Variants in ARHGAP6 observed in about 807,000 individuals in gnomAD.
ARHGAP6 encodes the protein Rho GTPase activating protein 6.
ARHGAP6 carries 16 observed loss-of-function variants against 55.7 expected under a neutral mutation model. The ratio of observed to expected loss-of-function variants is 0.29; its 90% CI spans 0.19 to 0.44. ARHGAP6 has a LOEUF of 0.44. ARHGAP6 is among the 20% of genes least tolerant of loss of function. The pLI is 1.00. For synonymous variants in ARHGAP6, 382 were observed against 360.9 expected, an observed-to-expected ratio of 1.06 and a Z score of -0.66; for missense variants, 698 against 808.9, an observed-to-expected ratio of 0.86 and a Z score of 1.66.
chrX:11,664,834 C>G lies in ARHGAP6; in HGVS notation c.-6G>C, dbSNP rs1236267515. On this transcript the variant is annotated 5_prime_UTR_variant, in exon 1 of 13. Coordinates refer to ENST00000337414, the MANE Select transcript of ARHGAP6 (RefSeq NM_013427.3). ...AGCAGGCTCTGCGCGGACATCTCGG[C>G]GGGGCTGCACCTGAGGACCACCTCC... is the stretch of plus-strand genomic sequence containing the variant. The G allele has an allele frequency of 8.5e-7, 1 of 1,170,767 alleles. No homozygotes were observed. The highest frequency in any genetic ancestry group is 1.8e-5 in the African/African-American group (1 of 56,769).
At chrX:11,233,834 A>G (rs1053940122) in intron 2 of ARHGAP6, among the ~76,000 whole-genome samples, 2 of 112,431 alleles carry the variant, frequency 1.8e-5, no homozygotes, top group Non-Finnish European at 3.8e-5. Flanking sequence ...AATCTTAAAA[A>G]GCCTATAAAG....
intron 1 of ARHGAP6, among the ~76,000 whole-genome samples, chrX:11,543,744 A>C (rs1229152296): frequency 8.9e-6 from 1 of 112,172 alleles, no homozygotes; most frequent in Non-Finnish European, 1.9e-5. Context: ...CTGACTCTAA[A>C]GCCTATACTC....
chrX:11,326,482 T>C (rs935912363), intron 1 of ARHGAP6, among the ~76,000 whole-genome samples: 10 of 111,085 alleles, frequency 9.0e-5, no homozygotes, highest in African/African-American at 3.3e-4. Context: ...CTTCTTGCTA[T>C]TGTTGGCACC....
intron 1 of ARHGAP6, among the ~76,000 whole-genome samples, chrX:11,260,896 A>G (rs1287058908): frequency 9.0e-6 from 1 of 111,470 alleles, no homozygotes; most frequent in African/African-American, 3.3e-5. Context: ...GCCATATTCC[A>G]GCAACCCAGT....
chrX:11,421,288 T>C (rs887223831), intron 1 of ARHGAP6, among the ~76,000 whole-genome samples: 13 of 112,553 alleles, frequency 1.2e-4, no homozygotes, highest in Admixed American at 6.6e-4. Flanking sequence ...TAAGTCAGGG[T>C]TTCTCTGTCT....
chrX:11,469,490 G>A (rs1487751979), intron 1 of ARHGAP6, among the ~76,000 whole-genome samples: 1 of 111,839 alleles, frequency 8.9e-6, no homozygotes, highest in Non-Finnish European at 1.9e-5. Context: ...TATGCCCATA[G>A]AATGCTGACA....
intron 1 of ARHGAP6, among the ~76,000 whole-genome samples, chrX:11,413,562 G>GT (rs1030715474): frequency 8.9e-6 from 1 of 111,851 alleles, no homozygotes; most frequent in Admixed American, 9.4e-5. Flanking sequence ...GGAGACTGGT[G>GT]TTTTTAGAGT....
chrX:11,610,208 A>G (rs1175354672), intron 1 of ARHGAP6, among the ~76,000 whole-genome samples: 2 of 110,025 alleles, frequency 1.8e-5, no homozygotes, highest in Non-Finnish European at 3.8e-5. Flanking sequence ...TATACATTAA[A>G]ACTTTTTATT....
chrX:11,276,637 AAC>A (rs1569282488), intron 1 of ARHGAP6, among the ~76,000 whole-genome samples: 1 of 111,702 alleles, frequency 9.0e-6, no homozygotes, highest in East Asian at 2.8e-4. Context: ...ATGACGTGAA[AAC>A]AAGCCATCTG....
In ARHGAP6 at chrX:11,139,442, C is replaced by T; in HGVS notation, c.2346G>A (p.Arg782=). Residue 782 remains arginine, a synonymous_variant, in exon 13 of 13, where the codon CGG becomes CGA. Coordinates refer to ENST00000337414, the MANE Select transcript of ARHGAP6 (RefSeq NM_013427.3). ...CCAGCTCTGCGGGGCTCCCCTGCCA[C>T]CGAGGCCAATTTGGGGACAGGTTCC... The part of the protein sequence containing the change: ...SQGNLSPNWP[R]WQGSPAELDS... 1 of 1,187,075 alleles carries T rather than the reference C, an allele frequency of 8.4e-7. No individual in the cohort carries two copies. Among genetic ancestry groups the T allele is most frequent in the Admixed American group, 2.5e-5 (1 of 40,216 alleles).
intron 1 of ARHGAP6, among the ~76,000 whole-genome samples, chrX:11,399,139 T>C (rs1405025981): frequency 9.0e-6 from 1 of 111,173 alleles, no homozygotes; most frequent in African/African-American, 3.3e-5. Context: ...TCCTCTCTAA[T>C]AGAATGTATT....
intron 1 of ARHGAP6, among the ~76,000 whole-genome samples, chrX:11,567,566 A>AAAAAAAAAAAAAAAAATATATAT (rs1440758737): frequency 9.5e-5 from 8 of 84,403 alleles, no homozygotes; most frequent in African/African-American, 2.8e-4. Context: ...AAAAAAAAAA[A>AAAAAAAAAAAAAAAAATATATAT]ATATATATAT....
intron 9 of ARHGAP6, among the ~76,000 whole-genome samples, chrX:11,157,851 C>T (rs746070251): frequency 8.9e-6 from 1 of 112,014 alleles, no homozygotes; most frequent in African/African-American, 3.2e-5. Flanking sequence ...ATCTGTTCCT[C>T]CTACTTTATC....
intron 1 of ARHGAP6, among the ~76,000 whole-genome samples, chrX:11,259,395 A>G (rs2047530418): frequency 9.0e-6 from 1 of 111,580 alleles, no homozygotes; most frequent in African/African-American, 3.3e-5. Context: ...TTTTTCCTGA[A>G]GTTCCCTAAT....
intron 1 of ARHGAP6, among the ~76,000 whole-genome samples, chrX:11,337,781 T>G (rs1227901280): frequency 8.9e-6 from 1 of 112,678 alleles, no homozygotes; most frequent in Non-Finnish European, 1.9e-5. Flanking sequence ...TTTGTGTTGC[T>G]ATAAAGGAAT....
At chrX:11,526,086 T>C (rs183841673) in intron 1 of ARHGAP6, among the ~76,000 whole-genome samples, 53 of 111,962 alleles carry the variant, frequency 4.7e-4, no homozygotes, top group African/African-American at 1.7e-3. Context: ...AGAATTTGCA[T>C]GCAAGCAGTT....
intron 5 of ARHGAP6, among the ~76,000 whole-genome samples, chrX:11,184,441 A>G (rs184977992): frequency 8.9e-6 from 1 of 111,986 alleles, no homozygotes; most frequent in African/African-American, 3.2e-5. Flanking sequence ...AAACATCTCA[A>G]TTTGTTTTAG....
At chrX:11,261,970 G>A (rs1208061571) in intron 1 of ARHGAP6, among the ~76,000 whole-genome samples, 2 of 111,934 alleles carry the variant, frequency 1.8e-5, no homozygotes, top group African/African-American at 3.2e-5. Flanking sequence ...GCATAAATAA[G>A]TCTGCTGTTA....
intron 1 of ARHGAP6, among the ~76,000 whole-genome samples, chrX:11,475,929 G>A (rs761903653): frequency 3.6e-5 from 4 of 110,789 alleles, no homozygotes; most frequent in Middle Eastern, 4.6e-3. Context: ...AGACGTGATC[G>A]AGAAATTCTC....
Sources: gnomAD v4.1 joint callset for allele counts (sites outside exome capture counted in the v4.1 genomes callset) on GRCh38, gnomAD v4.1.1 for gene constraint, MANE v1.5 for transcripts, NCBI Gene and HGNC (gene_info 2026-07-23, HGNC 2026-07-21) for gene names.